The following CDC42BPB variants were observed in gnomAD, a reference collection of about 807,000 sequenced individuals.
The protein encoded by CDC42BPB is serine/threonine-protein kinase MRCK beta.
In CDC42BPB, 37 loss-of-function variants were observed where a neutral mutation model predicts 214.9. That is an observed-to-expected ratio of 0.17 (90% CI 0.13 to 0.23). The LOEUF (loss-of-function observed/expected upper bound fraction) is 0.23, where lower values mean the gene tolerates loss of function less well. Ranked by LOEUF, CDC42BPB falls within the 10% of genes least tolerant of loss-of-function variation. The pLI, the probability that CDC42BPB is intolerant of heterozygous loss-of-function variation, is 1.00. For missense variants in CDC42BPB, 1,694 were observed against 2,227.0 expected (o/e 0.76, Z 4.82); for synonymous variants, 931 against 884.0 (o/e 1.05, Z -0.94).
intron 1 of CDC42BPB, among the ~76,000 whole-genome samples, chr14:103,016,212 G>C (rs960501890): frequency 2.6e-5 from 4 of 152,248 alleles, no homozygotes; most frequent in Non-Finnish European, 4.4e-5. Flanking sequence ...TGGCAGGGCT[G>C]TTCTGCTGGC....
At chr14:103,016,016 G>A (rs933488296) in intron 1 of CDC42BPB, among the ~76,000 whole-genome samples, 3 of 151,982 alleles carry the variant, frequency 2.0e-5, no homozygotes, top group Non-Finnish European at 4.4e-5. Flanking sequence ...GCGCCCGGCC[G>A]AGGCTGGAAT....
intron 12 of CDC42BPB, among the ~76,000 whole-genome samples, chr14:102,973,588 G>T (rs567943476): frequency 6.6e-6 from 1 of 151,970 alleles, no homozygotes; most frequent in African/African-American, 2.4e-5. Context: ...GGGACGCAGC[G>T]TGTGTTGCCA....
intron 1 of CDC42BPB, among the ~76,000 whole-genome samples, chr14:103,042,248 T>C (rs78201618): frequency 1.7e-4 from 26 of 152,182 alleles, no homozygotes; most frequent in African/African-American, 6.3e-4. Flanking sequence ...AAATCGTATG[T>C]CCAATATGGG....
At chr14:102,979,489 G>A (rs546332570) in intron 8 of CDC42BPB, among the ~76,000 whole-genome samples, 1 of 152,290 alleles carries the variant, frequency 6.6e-6, no homozygotes, top group East Asian at 1.9e-4. Flanking sequence ...TGGGACTACA[G>A]GGGTGACTCG....
Position 102,938,373 on chromosome 14 carries a change from G to A in CDC42BPB, c.4866C>T (p.Pro1622=), listed in dbSNP as rs137905470. The part of the protein sequence containing the change: ...VPPSQEERPG[P]APTNLARQPP... ...GCTGGCGAGCCAGGTTGGTGGGAGC[G>A]GGGCCCGGCCTTTCCTCCTGGGAGG... Residue 1622 remains proline (P), a synonymous_variant, in exon 35 of 37, where the codon CCC becomes CCT. Coordinates refer to ENST00000361246, the MANE Select transcript of CDC42BPB (RefSeq NM_006035.4). The A allele has an allele frequency of 4.4e-5, 70 of 1,575,250 alleles. 1 individual carries two copies. In the Middle Eastern group the frequency reaches 6.9e-4, roughly 16 times the overall value.
intron 6 of CDC42BPB, 114 bp from the exon 7 acceptor site, chr14:102,983,870 A>G (rs529117497): frequency 5.0e-5 from 74 of 1,465,854 alleles, no homozygotes; most frequent in Non-Finnish European, 6.6e-5. Flanking sequence ...ATAGAATAAA[A>G]CTGATGAATG....
At chr14:102,981,340 A>G (rs1232687238) in intron 7 of CDC42BPB, 3 of 258,780 alleles carry the variant, frequency 1.2e-5, no homozygotes, top group African/African-American at 6.9e-5. Context: ...CAGAATGCAC[A>G]GTGCACGCGT....
At chr14:102,950,795 G>A (rs1486815806) in intron 24 of CDC42BPB, 193 bp from the exon 25 acceptor site, 5 of 531,328 alleles carry the variant, frequency 9.4e-6, no homozygotes, top group Admixed American at 6.4e-5. Context: ...GTGAAATCCC[G>A]CCTTTATTAA....
chr14:103,003,759 A>C (rs1453480835), intron 4 of CDC42BPB, among the ~76,000 whole-genome samples, 169 bp downstream of exon 4: 1 of 152,258 alleles, frequency 6.6e-6, no homozygotes, highest in African/African-American at 2.4e-5. Flanking sequence ...TATTTTAAAG[A>C]AGTTCTACCT....
chr14:103,049,782 C>T (rs990374532), intron 1 of CDC42BPB, among the ~76,000 whole-genome samples: 5 of 152,236 alleles, frequency 3.3e-5, no homozygotes, highest in Non-Finnish European at 2.9e-5. Context: ...GGCACAATCT[C>T]GGCTCACTGC....
chr14:102,970,981 C>T (rs1893447469), intron 13 of CDC42BPB, among the ~76,000 whole-genome samples: 3 of 152,178 alleles, frequency 2.0e-5, no homozygotes, highest in Admixed American at 6.5e-5. Context: ...GCATCGCTTA[C>T]AATATGTCAA....
Position 102,981,349 on chromosome 14 carries a change from G to A in CDC42BPB, c.892-328C>T, listed in dbSNP as rs544738608. Among the ~76,000 whole-genome samples, 7 of 152,332 alleles carry A rather than the reference G, an allele frequency of 4.6e-5. 1 individual carries two copies. In the South Asian group the frequency reaches 1.4e-3, roughly 32 times the overall value. Reference sequence around the variant, plus strand: ...CCCCGTCAGAATGCACAGTGCACGCGTCACGGCAGCTCCGCTTCTGGAAAC... The same window carrying A: ...CCCCGTCAGAATGCACAGTGCACGCATCACGGCAGCTCCGCTTCTGGAAAC... On this transcript the variant is annotated intron_variant, in intron 7 of 36. Transcript: ENST00000361246.
chr14:103,025,311 G>A (rs907097041), intron 1 of CDC42BPB, among the ~76,000 whole-genome samples: 2 of 151,994 alleles, frequency 1.3e-5, no homozygotes, highest in African/African-American at 4.8e-5. Context: ...GCTAACATAT[G>A]TGTACCCTAC....
At chr14:102,939,557 C>A (rs563312788) in intron 34 of CDC42BPB, 53 bp downstream of exon 34, 6 of 1,280,864 alleles carry the variant, frequency 4.7e-6, no homozygotes, top group Middle Eastern at 1.8e-4. Flanking sequence ...GCTGCCTGAG[C>A]GGGGAGGAGG....
chr14:102,985,804 G>A lies in CDC42BPB; in HGVS notation c.690+683C>T, dbSNP rs560306133. ...CAAAACTGCAACAGTGGCCACAGAC[G>A]CAGTGAAAGCAGTTTGCTGCAAGCA... On this transcript the variant is annotated intron_variant, in intron 6 of 36. Transcript: ENST00000361246. Among the ~76,000 whole-genome samples the A allele has an allele frequency of 4.6e-5, 7 of 152,368 alleles. No individual in the cohort carries two copies. In the South Asian group the frequency reaches 8.3e-4, roughly 18 times the overall value.
At position 103,001,334 on chromosome 14, in the gene CDC42BPB, A is replaced by G. The variant is rs1404524874; in HGVS notation, c.448-1621T>C. 1.3e-5 allele frequency among the ~76,000 whole-genome samples: 2 copies of G among 152,244 alleles called. No homozygotes were observed. Among genetic ancestry groups the G allele is most frequent in the African/African-American group, 2.4e-5 (1 of 41,564 alleles). ...AGGTCCCTGGCTCAGCAGAGCTCAC[A>G]CTGGGGGCGGGAGAGACCGTGGCCA... On this transcript the variant is annotated intron_variant, in intron 4 of 36. Transcript: ENST00000361246. This position sits in a 1 kb window ranked among gnomAD's most constrained non-coding sequence, Gnocchi z 5.8.
intron 1 of CDC42BPB, among the ~76,000 whole-genome samples, chr14:103,035,717 G>A (rs1161918731): frequency 6.6e-6 from 1 of 152,126 alleles, no homozygotes; most frequent in Non-Finnish European, 1.5e-5. Flanking sequence ...GCGGGCGCCT[G>A]TAGTCCCAGC....
rs1314054576 is a variant in CDC42BPB at position 102,938,133 on chromosome 14, A to T, written c.4975T>A (p.Ser1659Thr). 6.2e-7 allele frequency: 1 copy of T among 1,613,902 alleles called. No individual in the cohort carries two copies. The highest frequency in any genetic ancestry group is 8.5e-7 in the Non-Finnish European group (1 of 1,180,020). Residue 1659 changes from serine (S) to threonine (T), a missense_variant, in exon 36 of 37, where the codon TCT becomes ACT. By Grantham distance (58) the Ser-to-Thr change is moderately conservative (BLOSUM62 1). Around this residue, in one of 7 missense-constraint regions of CDC42BPB, gnomAD observed 146 missense variants for 134.1 expected, o/e 1.09. Transcript: ENST00000361246. Reference sequence around the variant, plus strand: ...TTGTCAAAGTCCTGGTCTGGATCAGACATACTTCTCAGAGGCACAGTCACG... The same window carrying T: ...TTGTCAAAGTCCTGGTCTGGATCAGTCATACTTCTCAGAGGCACAGTCACG... Reference protein sequence around the residue: ...PSVTVPLRSMSDPDQDFDKEP... With the variant: ...PSVTVPLRSMTDPDQDFDKEP...
chr14:102,981,883 C>A (rs549518993), intron 7 of CDC42BPB, among the ~76,000 whole-genome samples: 2 of 151,962 alleles, frequency 1.3e-5, no homozygotes, highest in African/African-American at 4.9e-5. Context: ...TAACATGATG[C>A]CACGTATCTA....
Sources: allele counts gnomAD v4.1 joint callset (sites outside exome capture counted in the v4.1 genomes callset), GRCh38; gene constraint gnomAD v4.1.1; regional missense constraint gnomAD v4.1.1; non-coding constraint Gnocchi (gnomAD v3.1); transcripts MANE v1.5; gene names NCBI Gene and HGNC (gene_info 2026-07-23, HGNC 2026-07-21).